Variants in SPHKAP observed in about 807,000 individuals in gnomAD.
The protein encoded by SPHKAP is A-kinase anchor protein SPHKAP.
Under a neutral mutation model 137.5 loss-of-function variants are expected in SPHKAP, and 67 were observed. The ratio of observed to expected loss-of-function variants is 0.49; its 90% CI spans 0.40 to 0.60. The LOEUF is 0.60. Ranked by LOEUF, SPHKAP falls within the 20% of genes least tolerant of loss-of-function variation. The pLI is 0.00. For missense variants in SPHKAP, 2,097 were observed against 2,069.3 expected (o/e 1.01, Z -0.26); for synonymous variants, 813 against 785.3 (o/e 1.04, Z -0.59).
chr2:227,990,961 C>T, intron 11 of SPHKAP, 39 bp downstream of exon 11: 1 of 1,602,114 alleles, frequency 6.2e-7, no homozygotes. Context: ...GTGATGAAAA[C>T]ACAAAGCTTT....
intron 7 of SPHKAP, among the ~76,000 whole-genome samples, chr2:228,005,745 G>A (rs896771637): frequency 1.3e-5 from 2 of 152,082 alleles, no homozygotes; most frequent in Non-Finnish European, 2.9e-5. Flanking sequence ...GGCAGGCCTG[G>A]TGGTGACACA....
At chr2:228,131,534 A>G (rs1488311836) in intron 2 of SPHKAP, among the ~76,000 whole-genome samples, 1 of 151,816 alleles carries the variant, frequency 6.6e-6, no homozygotes, top group Admixed American at 6.6e-5. Flanking sequence ...AGAAAATACA[A>G]TTCTGTTTTT....
chr2:228,064,644 T>G (rs1357791611), intron 3 of SPHKAP, among the ~76,000 whole-genome samples: 1 of 152,200 alleles, frequency 6.6e-6, no homozygotes, highest in East Asian at 1.9e-4. Context: ...ATATAGATGC[T>G]AATTAAAGCA....
chr2:228,159,077 G>A (rs944452833), intron 1 of SPHKAP, among the ~76,000 whole-genome samples: 10 of 152,150 alleles, frequency 6.6e-5, no homozygotes, highest in African/African-American at 2.4e-4. Flanking sequence ...CAGGGTTCCA[G>A]TCTGGACTGT....
rs576841170 is a variant in SPHKAP, at chr2:228,007,607, C to A, written c.4448+8799G>T. Among the ~76,000 whole-genome samples, 4 of 152,106 alleles carry A rather than the reference C, an allele frequency of 2.6e-5. No homozygotes were observed. The South Asian group carries it at 8.3e-4, about 32-fold the overall frequency. On this transcript the variant is annotated intron_variant, in intron 7 of 11. Coordinates refer to ENST00000392056, the MANE Select transcript of SPHKAP (RefSeq NM_001142644.2). Reference sequence around the variant, plus strand: ...TGGCGTATCTCATTTAACATAACATCCTCTAGGTTCATTCATGTTGTCACA... The same window carrying A: ...TGGCGTATCTCATTTAACATAACATACTCTAGGTTCATTCATGTTGTCACA...
chr2:228,041,813 C>T lies in SPHKAP; in HGVS notation c.247-14270G>A, dbSNP rs530183110. On this transcript the variant is annotated intron_variant, in intron 3 of 11. Transcript: ENST00000392056. ...GTCATGTGGAGCGGAGGACACTGGC[C>T]GTGGGAGGGGATGTGCAGACTCTGG... Among the ~76,000 whole-genome samples, 11 of 151,788 alleles carry T rather than the reference C, an allele frequency of 7.2e-5. No homozygotes were observed. The South Asian group carries it at 8.3e-4, about 12-fold the overall frequency.
chr2:228,172,830 T>C (rs1316335517), intron 1 of SPHKAP, among the ~76,000 whole-genome samples: 3 of 152,120 alleles, frequency 2.0e-5, no homozygotes, highest in Non-Finnish European at 4.4e-5. Flanking sequence ...GTAAGAGAAA[T>C]GAAGCAAGTC....
At chr2:228,072,107 T>A (rs1697023434) in intron 3 of SPHKAP, among the ~76,000 whole-genome samples, 1 of 152,198 alleles carries the variant, frequency 6.6e-6, no homozygotes, top group African/African-American at 2.4e-5. Context: ...GCTCTCTGAC[T>A]GAAACCGAAG....
At chr2:228,075,297 A>G (rs1012826579) in intron 3 of SPHKAP, among the ~76,000 whole-genome samples, 2 of 152,176 alleles carry the variant, frequency 1.3e-5, no homozygotes, top group Non-Finnish European at 2.9e-5. Context: ...AATGAGTAAC[A>G]CCTTAGTTAG....
At chr2:228,031,588 C>A (rs1314386218) in intron 3 of SPHKAP, among the ~76,000 whole-genome samples, 1 of 152,186 alleles carries the variant, frequency 6.6e-6, no homozygotes. Flanking sequence ...GTCCTTGACC[C>A]CCGAGCAGCC....
rs373106477 is a variant in SPHKAP at position 228,131,331 on chromosome 2, AACAGT to A, written c.138+644_138+648del. 1,044 of 984,892 alleles carry A rather than the reference AACAGT, an allele frequency of 1.1e-3. 11 individuals carry two copies. In the African/African-American group the frequency reaches 0.017, roughly 16 times the overall value. 61.0% of individuals were successfully genotyped at this position (984,892 alleles called of 1,614,324 possible). A position where few individuals can be genotyped will look rare whatever the true frequency, so the allele number is the denominator to read the frequency against. ...TATACTTCCCTGGAATTCAGCAGCA[AACAGT>A]GACAAAAGCATTAGATGGGGAACCA... On this transcript the variant is annotated intron_variant, in intron 2 of 11. Coordinates refer to ENST00000392056, the MANE Select transcript of SPHKAP (RefSeq NM_001142644.2).
intron 3 of SPHKAP, among the ~76,000 whole-genome samples, chr2:228,034,355 C>A (rs1238340510): frequency 1.3e-5 from 2 of 152,176 alleles, no homozygotes; most frequent in Non-Finnish European, 2.9e-5. Flanking sequence ...CTGAGTAGAG[C>A]AATAACAGGC....
intron 1 of SPHKAP, among the ~76,000 whole-genome samples, chr2:228,153,446 A>T (rs950203761): frequency 6.6e-6 from 1 of 152,180 alleles, no homozygotes; most frequent in African/African-American, 2.4e-5. Context: ...GTCTGTATAA[A>T]AATATCTTTA....
At chr2:228,043,414 C>T (rs1243558293) in intron 3 of SPHKAP, among the ~76,000 whole-genome samples, 2 of 152,180 alleles carry the variant, frequency 1.3e-5, no homozygotes, top group Non-Finnish European at 2.9e-5. Context: ...GCAACCTCTG[C>T]CTTCCAAGTT....
intron 3 of SPHKAP, among the ~76,000 whole-genome samples, chr2:228,065,967 C>T (rs867856467): frequency 2.6e-5 from 4 of 152,076 alleles, no homozygotes; most frequent in Non-Finnish European, 4.4e-5. Flanking sequence ...TGTGCAAAAA[C>T]GTGTCAGAAC....
rs756913380 is a variant in SPHKAP, at chr2:228,041,787, G to C, written c.247-14244C>G. On this transcript the variant is annotated intron_variant, in intron 3 of 11. Coordinates refer to ENST00000392056, the MANE Select transcript of SPHKAP (RefSeq NM_001142644.2). ...GCAGATTTGCTGAATGAATCTAGGTGGTCATGTGGAGCGGAGGACACTGGC... is the reference window on the plus strand; with the variant it reads ...GCAGATTTGCTGAATGAATCTAGGTCGTCATGTGGAGCGGAGGACACTGGC... Among the ~76,000 whole-genome samples, 4 of 152,182 alleles carry C rather than the reference G, an allele frequency of 2.6e-5. No individual in the cohort carries two copies. The South Asian group carries it at 8.3e-4, about 32-fold the overall frequency.
In SPHKAP at chr2:228,157,349, C is replaced by T. The variant is rs570731812; in HGVS notation, c.32+24218G>A. On this transcript the variant is annotated intron_variant, in intron 1 of 11. Transcript: ENST00000392056. ...TTCATGCCTTGGGATTTTTCCATTA[C>T]AAAATACTGCCTACACAGCACCAAA... 3.5e-4 allele frequency among the ~76,000 whole-genome samples: 54 copies of T among 152,208 alleles called. 1 individual carries two copies. The Middle Eastern group carries it at 0.024, about 67-fold the overall frequency.
chr2:228,161,535 T>A (rs1574908765), intron 1 of SPHKAP, among the ~76,000 whole-genome samples: 1 of 151,972 alleles, frequency 6.6e-6, no homozygotes, highest in Admixed American at 6.6e-5. Flanking sequence ...AGGGGAACAA[T>A]ACACACTGTC....
rs762844015 is a variant in SPHKAP at position 228,017,657 on chromosome 2, C to T, written c.3197G>A (p.Arg1066Gln). The T allele has an allele frequency of 3.5e-5, 56 of 1,613,948 alleles. 1 individual carries two copies. The East Asian group carries it at 7.1e-4, about 21-fold the overall frequency. The change falls in exon 7 of 12, where the codon CGG becomes CAG. Residue 1066 changes from arginine (R) to glutamine (Q), a missense_variant. Physicochemically the swap from Arg to Gln is conservative, Grantham distance 43. Coordinates refer to ENST00000392056, the MANE Select transcript of SPHKAP (RefSeq NM_001142644.2). ...CCTGTCGCCACTCAGTAACCGATTCCGGGGATAGCCCTGCGCCTGCCACAT... is the reference window on the plus strand; with the variant it reads ...CCTGTCGCCACTCAGTAACCGATTCTGGGGATAGCCCTGCGCCTGCCACAT... ...DGMWQAQGYP[R>Q]NRLLSGDRWS...
Sources: gnomAD v4.1 joint callset for allele counts (sites outside exome capture counted in the v4.1 genomes callset) on GRCh38, gnomAD v4.1.1 for gene constraint, MANE v1.5 for transcripts, NCBI Gene and HGNC (gene_info 2026-07-23, HGNC 2026-07-21) for gene names.